Variants in CSMD1 observed in about 807,000 individuals in gnomAD.
CSMD1 encodes the protein CUB and Sushi multiple domains 1.
A neutral mutation model predicts 417.5 loss-of-function variants in CSMD1; 213 were observed. The observed-to-expected ratio is 0.51, with a 90% CI of 0.46 to 0.57. The LOEUF is 0.57. Ranked by LOEUF, CSMD1 falls within the 20% of genes least tolerant of loss-of-function variation. CSMD1 has a pLI of 0.00. For missense variants in CSMD1, 6,923 were observed against 4,529.7 expected, an observed-to-expected ratio of 1.53 and a Z score of -15.17; for synonymous variants, 2,862 against 1,736.8, an observed-to-expected ratio of 1.65 and a Z score of -16.11.
chr8:4,320,892 T>C (rs1198054586), intron 3 of CSMD1, among the ~76,000 whole-genome samples: 4 of 152,168 alleles, frequency 2.6e-5, no homozygotes, highest in Non-Finnish European at 5.9e-5. Context: ...TATGTTTGTT[T>C]TGTTTTTCAC....
At chr8:4,889,360 C>G (rs1803957125) in intron 1 of CSMD1, among the ~76,000 whole-genome samples, 1 of 152,080 alleles carries the variant, frequency 6.6e-6, no homozygotes, top group Non-Finnish European at 1.5e-5. Context: ...GTGTCAACCT[C>G]TTGAAAGATA....
intron 52 of CSMD1, among the ~76,000 whole-genome samples, chr8:3,017,366 A>T (rs1030999213): frequency 3.9e-5 from 6 of 152,220 alleles, no homozygotes; most frequent in African/African-American, 1.4e-4. Context: ...GACTCTCTAC[A>T]TGAAGAAGCA....
chr8:3,424,507 G>C (rs567371251), intron 12 of CSMD1, among the ~76,000 whole-genome samples: 2 of 152,266 alleles, frequency 1.3e-5, no homozygotes, highest in South Asian at 2.1e-4. Flanking sequence ...AGGTCATATA[G>C]AGAAAAAAAG....
At chr8:4,624,420 A>G (rs1289220739) in intron 2 of CSMD1, among the ~76,000 whole-genome samples, 2 of 152,116 alleles carry the variant, frequency 1.3e-5, no homozygotes, top group African/African-American at 2.4e-5. Flanking sequence ...GCCTTTCCCA[A>G]TCCTCTCTGG....
chr8:3,385,183 G>C (rs563389917), intron 18 of CSMD1, among the ~76,000 whole-genome samples: 66 of 137,268 alleles, frequency 4.8e-4, no homozygotes, highest in African/African-American at 1.7e-3. Flanking sequence ...ATATATAGAA[G>C]TCTAAATATA....
intron 5 of CSMD1, among the ~76,000 whole-genome samples, chr8:3,776,843 T>C (rs1375362294): frequency 6.7e-6 from 1 of 148,962 alleles, no homozygotes; most frequent in African/African-American, 2.5e-5. Context: ...AGATCATACA[T>C]AGAATGACAG....
Position 4,429,347 on chromosome 8 carries a change from C to T in CSMD1, c.303-9282G>A, listed in dbSNP as rs371580992. ...CTTTACATGTGTATATGTGTGTATA[C>T]ATAGATATACACACATTTTACACAC... is the stretch of plus-strand genomic sequence containing the variant. On this transcript the variant is annotated intron_variant, in intron 2 of 69. Transcript: ENST00000635120. 5.3e-5 allele frequency among the ~76,000 whole-genome samples: 8 copies of T among 152,070 alleles called. No individual in the cohort carries two copies. In the East Asian group the frequency reaches 9.7e-4, roughly 18 times the overall value.
intron 7 of CSMD1, among the ~76,000 whole-genome samples, chr8:3,682,352 A>T (rs1459375550): frequency 2.0e-5 from 3 of 152,198 alleles, no homozygotes; most frequent in African/African-American, 7.2e-5. Flanking sequence ...CAAGAAAAAA[A>T]CAAGCAACCG....
chr8:3,818,625 G>C (rs1181382746), intron 5 of CSMD1, among the ~76,000 whole-genome samples: 1 of 152,072 alleles, frequency 6.6e-6, no homozygotes, highest in African/African-American at 2.4e-5. Flanking sequence ...GGTCCCATGG[G>C]TCCCCACAGC....
At chr8:4,765,831 G>C (rs144901302) in intron 1 of CSMD1, among the ~76,000 whole-genome samples, 272 of 152,318 alleles carry the variant, frequency 1.8e-3, no homozygotes, top group Middle Eastern at 0.014. Context: ...ACAATAGTTA[G>C]AGAGAGCTTA....
In CSMD1 at chr8:3,189,949, G is replaced by A. The variant is rs372251738; in HGVS notation, c.5361C>T (p.Ala1787=). The change falls in exon 34 of 70, where the codon GCC becomes GCT. Residue 1787 remains alanine (A), a synonymous_variant. Transcript: ENST00000635120. ...GGATCGTGTCGTTCCACTGTGCCAA[G>A]GCGTTGGGCACGGACTGGCAGTGGA... ...TALHCQSVPN[A]LAQWNDTIPS... is the part of the protein sequence containing the mutation. 14 of 1,595,606 alleles carry A rather than the reference G, an allele frequency of 8.8e-6. No individual in the cohort carries two copies. The highest frequency in any genetic ancestry group is 1.2e-5 in the Non-Finnish European group (14 of 1,171,516).
At chr8:4,245,783 A>G (rs1221843002) in intron 3 of CSMD1, among the ~76,000 whole-genome samples, 4 of 152,232 alleles carry the variant, frequency 2.6e-5, no homozygotes, top group South Asian at 2.1e-4. Context: ...CATATTTCCT[A>G]TTTTCTTAAC....
intron 11 of CSMD1, among the ~76,000 whole-genome samples, chr8:3,491,601 G>C (rs189766659): frequency 1.4e-4 from 22 of 152,142 alleles, no homozygotes; most frequent in African/African-American, 4.3e-4. Context: ...TCCAAGATTC[G>C]ACGAATGAAG....
chr8:4,440,557 A>T (rs564550604), intron 2 of CSMD1, among the ~76,000 whole-genome samples: 1 of 152,178 alleles, frequency 6.6e-6, no homozygotes, highest in African/African-American at 2.4e-5. Flanking sequence ...ATGCATATCT[A>T]TATGTAATTT....
chr8:4,286,324 A>G (rs1340103273), intron 3 of CSMD1, among the ~76,000 whole-genome samples: 1 of 152,030 alleles, frequency 6.6e-6, no homozygotes, highest in African/African-American at 2.4e-5. Context: ...TCACTTTGGA[A>G]CATTCTTTTA....
intron 1 of CSMD1, among the ~76,000 whole-genome samples, chr8:4,868,513 G>A (rs1802548309): frequency 6.6e-6 from 1 of 152,004 alleles, no homozygotes; most frequent in Admixed American, 6.6e-5. Context: ...TAAAATGACA[G>A]TCGTATTATT....
chr8:4,045,469 G>A (rs1407134630), intron 3 of CSMD1, among the ~76,000 whole-genome samples: 2 of 152,214 alleles, frequency 1.3e-5, no homozygotes, highest in East Asian at 1.9e-4. Flanking sequence ...CACTGGTGCT[G>A]GGGTCAGAAC....
rs138233869 is a variant in CSMD1, at chr8:3,493,579, G to A, written c.1448+44C>T. On this transcript the variant is annotated intron_variant, in intron 11 of 69. Coordinates refer to ENST00000635120, the MANE Select transcript of CSMD1 (RefSeq NM_033225.6). The stretch of plus-strand genomic sequence containing the variant: ...ATCTCATCTCCACCCACCGTGCCCC[G>A]CACTGCATGCATAAGAGAAGAAGAA... 5.1e-3 allele frequency: 7,713 copies of A among 1,505,324 alleles called. 41 individuals carry two copies. Among genetic ancestry groups the A allele is most frequent in the Non-Finnish European group, 5.8e-3 (6,344 of 1,099,614 alleles). The allele number at this position is 1,505,324 out of a possible 1,614,324, so 93.2% of individuals were successfully genotyped here. A position where few individuals can be genotyped will look rare whatever the true frequency, so the allele number is the denominator to read the frequency against.
chr8:3,722,733 G>C (rs549412075), intron 6 of CSMD1, among the ~76,000 whole-genome samples: 7 of 152,144 alleles, frequency 4.6e-5, no homozygotes, highest in Admixed American at 1.3e-4. Context: ...AACTCTTGTC[G>C]TTAGGTTTTC....
Sources: gnomAD v4.1 joint callset for allele counts (sites outside exome capture counted in the v4.1 genomes callset) on GRCh38, gnomAD v4.1.1 for gene constraint, MANE v1.5 for transcripts, NCBI Gene and HGNC (gene_info 2026-07-23, HGNC 2026-07-21) for gene names.